TRAF2: variants seen among roughly 807,000 people sequenced by gnomAD.
The protein encoded by TRAF2 is TNF receptor-associated factor 2.
A neutral mutation model predicts 55.6 loss-of-function variants in TRAF2; 6 were observed. That is an observed-to-expected ratio of 0.11 (90% CI 0.06 to 0.21). The LOEUF (loss-of-function observed/expected upper bound fraction) is 0.21, where lower values mean the gene tolerates loss of function less well. Ranked by LOEUF, TRAF2 falls within the 10% of genes least tolerant of loss-of-function variation. TRAF2 has a pLI of 1.00. For missense variants in TRAF2, 561 were observed against 684.5 expected (o/e 0.82, Z 2.01); for synonymous variants, 329 against 276.3 (o/e 1.19, Z -1.89).
In TRAF2 at chr9:136,922,826, T is replaced by C. The variant is rs1353682011; in HGVS notation, c.1139-1026T>C. ...GGAGGACGAGGATGGGGAGGATGGG[T>C]CTGGGGGCACGTGGTGGAGGACGAG... On this transcript the variant is annotated intron_variant, in intron 9 of 10. Transcript: ENST00000247668. 6.9e-4 allele frequency among the ~76,000 whole-genome samples: 31 copies of C among 44,616 alleles called. 1 individual carries two copies. The highest frequency in any genetic ancestry group is 1.9e-3 in the African/African-American group (21 of 11,030). 29.3% of individuals were successfully genotyped at this position (44,616 alleles called of 152,430 possible).
Position 136,910,004 on chromosome 9 carries a change from C to G in TRAF2, c.603+10C>G. On this transcript the variant is annotated intron_variant, in intron 6 of 10. Coordinates refer to ENST00000247668, the MANE Select transcript of TRAF2 (RefSeq NM_021138.4). ...GATCCCCCGGGAGAAGGTGAGTGTC[C>G]TTCACCTCCTTGGAGGACCGCAGGG... 6.2e-7 allele frequency: 1 copy of G among 1,612,784 alleles called. No individual in the cohort carries two copies. The highest frequency in any genetic ancestry group is 8.5e-7 in the Non-Finnish European group (1 of 1,179,460).
chr9:136,923,633 A>AAAC (rs1850450435), intron 9 of TRAF2, among the ~76,000 whole-genome samples: 1 of 150,856 alleles, frequency 6.6e-6, no homozygotes, highest in African/African-American at 2.4e-5. Flanking sequence ...AAAAAAAAAA[A>AAAC]AACTTTTTCT....
At chr9:136,920,951 T>G (rs1850369599) in intron 8 of TRAF2, 87 bp from the exon 9 acceptor site, 4 of 1,526,980 alleles carry the variant, frequency 2.6e-6, no homozygotes, top group African/African-American at 1.4e-5. Context: ...AAGAGCACTG[T>G]CCTGCTGGAG....
At position 136,926,323 on chromosome 9, in the gene TRAF2, C is replaced by T. The variant is rs1850531732; in HGVS notation, c.*422C>T. ...GCATGACAGGCAGAAACGAGGGCTG[C>T]TCCAGGAGAAGGGCCTCCTGCTGGC... On this transcript the variant is annotated 3_prime_UTR_variant, in exon 11 of 11. Coordinates refer to ENST00000247668, the MANE Select transcript of TRAF2 (RefSeq NM_021138.4). 8.7e-6 allele frequency: 3 copies of T among 342,892 alleles called. No homozygotes were observed. Among genetic ancestry groups the T allele is most frequent in the South Asian group, 6.8e-5 (3 of 44,106 alleles). 21.2% of individuals were successfully genotyped at this position (342,892 alleles called of 1,614,324 possible). A position where few individuals can be genotyped will look rare whatever the true frequency, so the allele number is the denominator to read the frequency against.
At chr9:136,907,922 G>A in intron 4 of TRAF2, 148 bp from the exon 5 acceptor site, 1 of 918,324 alleles carries the variant, frequency 1.1e-6, no homozygotes, top group Non-Finnish European at 1.7e-6. Flanking sequence ...ACCTGTGGGA[G>A]CCCTGAGAGC....
intron 5 of TRAF2, among the ~76,000 whole-genome samples, 178 bp downstream of exon 5, chr9:136,908,409 T>G (rs1265244093): frequency 6.6e-6 from 1 of 152,236 alleles, no homozygotes; most frequent in Non-Finnish European, 1.5e-5. Context: ...GGTGTGAAGT[T>G]AATGCCGAGG....
At chr9:136,898,529 G>A (rs1328110299) in intron 1 of TRAF2, 184 bp from the exon 2 acceptor site, 1 of 960,584 alleles carries the variant, frequency 1.0e-6, no homozygotes, top group Middle Eastern at 5.4e-4. Context: ...CTAGCGGCGG[G>A]AGATGGGACT....
rs761593278 is a variant in TRAF2, at chr9:136,909,928, C to T, written c.537C>T (p.His179=). ...PCCGADVKAH[H]EVCPKFPLTC... is the part of the protein sequence containing the mutation. ...GATCCCTTCTTTTGAAGGCGCACCA[C>T]GAGGTCTGCCCCAAGTTCCCCTTAA... The change falls in exon 6 of 11, where the codon CAC becomes CAT. Residue 179 remains histidine (H), a synonymous_variant. Coordinates refer to ENST00000247668, the MANE Select transcript of TRAF2 (RefSeq NM_021138.4). 6.2e-6 allele frequency: 10 copies of T among 1,614,198 alleles called. No homozygotes were observed. The highest frequency in any genetic ancestry group is 1.6e-4 in the Middle Eastern group (1 of 6,062).
At chr9:136,884,797 A>T (rs536496591), upstream of TRAF2, among the ~76,000 whole-genome samples, 19 of 152,286 alleles carry the variant, frequency 1.2e-4, 1 homozygote, top group African/African-American at 3.1e-4. Context: ...CATGGGCTCA[A>T]GCGGTCCTCC....
At chr9:136,924,869 G>C (rs1471474864) in intron 10 of TRAF2, among the ~76,000 whole-genome samples, 3 of 152,214 alleles carry the variant, frequency 2.0e-5, no homozygotes, top group South Asian at 4.1e-4. Context: ...CTCCTGAGTA[G>C]CTGGGACTAC....
intron 6 of TRAF2, among the ~76,000 whole-genome samples, chr9:136,916,025 G>A (rs996442850): frequency 6.6e-6 from 1 of 152,174 alleles, no homozygotes; most frequent in Non-Finnish European, 1.5e-5. Flanking sequence ...TGCATCCATA[G>A]ACCCATGTCA....
At chr9:136,889,349 T>TCTCGGCTCGCTGCAAC (rs1849527312) in intron 1 of TRAF2, among the ~76,000 whole-genome samples, 1 of 151,826 alleles carries the variant, frequency 6.6e-6, no homozygotes, top group African/African-American at 2.4e-5. Flanking sequence ...AATGGTGCGA[T>TCTCGGCTCGCTGCAAC]CTCGGCTCGC....
rs563602833 is a variant in TRAF2, at chr9:136,896,211, G to A, written c.-28-2502G>A. ...TCCTCTCACTAGGCTCTCAGGGGCC[G>A]GGACTGGGGACAGAGCATACTTAGA... is the stretch of plus-strand genomic sequence containing the variant. On this transcript the variant is annotated intron_variant, in intron 1 of 10. Transcript: ENST00000247668. Among the ~76,000 whole-genome samples, 44 of 152,334 alleles carry A rather than the reference G, an allele frequency of 2.9e-4. No homozygotes were observed. In the South Asian group the frequency reaches 9.1e-3, roughly 32 times the overall value.
chr9:136,906,489 C>G (rs967099524), intron 4 of TRAF2, among the ~76,000 whole-genome samples: 1 of 152,076 alleles, frequency 6.6e-6, no homozygotes, highest in African/African-American at 2.4e-5. Context: ...CTTACTATCA[C>G]GAGAGCAGCA....
intron 6 of TRAF2, among the ~76,000 whole-genome samples, chr9:136,915,625 C>G (rs1029879618): frequency 6.6e-6 from 1 of 151,878 alleles, no homozygotes; most frequent in Admixed American, 6.6e-5. Context: ...ATCAGGGACT[C>G]GAGCATCCTT....
intron 4 of TRAF2, among the ~76,000 whole-genome samples, chr9:136,906,987 T>C (rs1306623692): frequency 6.6e-6 from 1 of 152,264 alleles, no homozygotes; most frequent in Non-Finnish European, 1.5e-5. Context: ...GTCACCTTGC[T>C]GTCCTGACCC....
upstream of TRAF2, among the ~76,000 whole-genome samples, chr9:136,885,910 G>A (rs1019207336): frequency 7.9e-5 from 12 of 152,274 alleles, no homozygotes; most frequent in African/African-American, 2.7e-4. Flanking sequence ...TAAGTGTGCA[G>A]TATTCTTTTA....
intron 9 of TRAF2, among the ~76,000 whole-genome samples, chr9:136,922,836 C>T (rs1324045208): frequency 7.4e-5 from 7 of 94,766 alleles, no homozygotes; most frequent in African/African-American, 1.3e-4. Flanking sequence ...TCTGGGGGCA[C>T]GTGGTGGAGG....
intron 4 of TRAF2, among the ~76,000 whole-genome samples, chr9:136,905,439 CA>C (rs1248374412): frequency 6.6e-6 from 1 of 152,136 alleles, no homozygotes; most frequent in Admixed American, 6.6e-5. Flanking sequence ...GGGGCTGGAG[CA>C]GGGGAATGGG....
Sources: gnomAD v4.1 joint callset for allele counts (sites outside exome capture counted in the v4.1 genomes callset) on GRCh38, gnomAD v4.1.1 for gene constraint, MANE v1.5 for transcripts, NCBI Gene and HGNC (gene_info 2026-07-23, HGNC 2026-07-21) for gene names.